BCL2L14: variants seen among roughly 807,000 people sequenced by gnomAD.
The protein encoded by BCL2L14 is apoptosis facilitator Bcl-2-like protein 14.
Under a neutral mutation model 35.3 loss-of-function variants are expected in BCL2L14, and 27 were observed. That is an observed-to-expected ratio of 0.76 (90% confidence interval 0.56 to 1.05). BCL2L14 has a LOEUF of 1.05. BCL2L14 is among the 50% of genes least tolerant of loss of function. The pLI, the probability that BCL2L14 is intolerant of heterozygous loss-of-function variation, is 0.00. For synonymous variants in BCL2L14, 139 were observed against 145.9 expected (o/e 0.95, Z 0.34); for missense variants, 377 against 382.6 (o/e 0.99, Z 0.12).
At chr12:12,062,640 C>G (rs1223023934) in intron 2 of BCL2L14, among the ~76,000 whole-genome samples, 1 of 152,094 alleles carries the variant, frequency 6.6e-6, no homozygotes, top group Non-Finnish European at 1.5e-5. Flanking sequence ...AGTCAGATAA[C>G]TAAAATACCT....
intron 2 of BCL2L14, among the ~76,000 whole-genome samples, chr12:12,065,215 A>T (rs111990939): frequency 7.2e-5 from 11 of 152,180 alleles, no homozygotes; most frequent in African/African-American, 2.7e-4. Context: ...AGCACCTTTT[A>T]AAAAAATATA....
intron 4 of BCL2L14, among the ~76,000 whole-genome samples, chr12:12,091,271 T>G (rs1949183232): frequency 6.6e-6 from 1 of 152,252 alleles, no homozygotes; most frequent in African/African-American, 2.4e-5. Flanking sequence ...CTTTTTCCCC[T>G]GTAGTTGCTG....
chr12:12,083,286 A>C (rs1354934083), intron 2 of BCL2L14, among the ~76,000 whole-genome samples: 1 of 152,010 alleles, frequency 6.6e-6, no homozygotes, highest in Non-Finnish European at 1.5e-5. Flanking sequence ...TTTTAACTGT[A>C]AGTCACTATG....
chr12:12,096,252 A>C, intron 5 of BCL2L14: 2 of 811,942 alleles, frequency 2.5e-6, no homozygotes, highest in East Asian at 1.3e-4. Context: ...AGAAATTATA[A>C]TTATCAATTG....
intron 1 of BCL2L14, among the ~76,000 whole-genome samples, chr12:12,076,772 T>C (rs1017984079): frequency 6.6e-6 from 1 of 152,132 alleles, no homozygotes; most frequent in African/African-American, 2.4e-5. Context: ...AATGTGAGCC[T>C]CTTCTAAGTA....
At chr12:12,091,771 T>G (rs142416214) in intron 4 of BCL2L14, among the ~76,000 whole-genome samples, 48 of 152,272 alleles carry the variant, frequency 3.2e-4, no homozygotes, top group Non-Finnish European at 6.6e-4. Context: ...GTGTGAGCTT[T>G]GGGACCACAA....
At chr12:12,089,075 C>CTTTT (rs1814562267) in intron 3 of BCL2L14, among the ~76,000 whole-genome samples, 1 of 152,188 alleles carries the variant, frequency 6.6e-6, no homozygotes, top group South Asian at 2.1e-4. Context: ...CAGTGTAGAA[C>CTTTT]TTTTATTTTG....
rs773038744 is a variant in BCL2L14 at position 12,075,430 on chromosome 12, TTTC to T, written c.-7-3866_-7-3864del. Among the ~76,000 whole-genome samples the T allele has an allele frequency of 5.2e-3, 630 of 122,304 alleles. 1 individual carries two copies. Among genetic ancestry groups the T allele is most frequent in the African/African-American group, 0.016 (580 of 35,482 alleles). The allele number at this position is 122,304 out of a possible 152,430, so 80.2% of individuals were successfully genotyped here. ...TTTCTATTCTTTCTTTCTTTCTTTC[TTTC>T]TTTTTTTTTTGAGACGGAGTTTCGC... is the stretch of plus-strand genomic sequence containing the variant. On this transcript the variant is annotated intron_variant, in intron 1 of 5. Coordinates refer to ENST00000308721, the MANE Select transcript of BCL2L14 (RefSeq NM_138723.2).
chr12:12,073,172 G>C (rs1262153465), intron 1 of BCL2L14, among the ~76,000 whole-genome samples: 2 of 152,200 alleles, frequency 1.3e-5, no homozygotes, highest in African/African-American at 2.4e-5. Context: ...ACTGGGTCCG[G>C]CATCTACATT....
At chr12:12,056,747 C>T (rs543881156) in intron 2 of BCL2L14, among the ~76,000 whole-genome samples, 5 of 152,254 alleles carry the variant, frequency 3.3e-5, no homozygotes, top group African/African-American at 1.2e-4. Context: ...GCAGGAAAAT[C>T]GCTTAAACCT....
chr12:12,065,361 C>T (rs1591809320), intron 2 of BCL2L14, among the ~76,000 whole-genome samples: 1 of 151,952 alleles, frequency 6.6e-6, no homozygotes, highest in African/African-American at 2.4e-5. Flanking sequence ...CATGGAGAAA[C>T]CCTGTCTCTA....
intron 5 of BCL2L14, among the ~76,000 whole-genome samples, chr12:12,098,742 G>C (rs1447248419): frequency 1.3e-5 from 2 of 152,070 alleles, no homozygotes; most frequent in Non-Finnish European, 2.9e-5. Context: ...CAGCCTGTTA[G>C]CTCTGGGTGT....
rs552595779 is a variant in BCL2L14, at chr12:12,087,844, C to T, written c.607+458C>T. On this transcript the variant is annotated intron_variant, in intron 3 of 5. Coordinates refer to ENST00000308721, the MANE Select transcript of BCL2L14 (RefSeq NM_138723.2). ...CTATGGTGCAAGACATGGAGCAGAA[C>T]TGAGAAGTAGTGACAAGGCTGGGTC... Among the ~76,000 whole-genome samples the T allele has an allele frequency of 6.6e-5, 10 of 152,258 alleles. No individual in the cohort carries two copies. In the East Asian group the frequency reaches 1.7e-3, roughly 26 times the overall value.
At chr12:12,051,407 C>G (rs1948356113) in intron 1 of BCL2L14, among the ~76,000 whole-genome samples, 1 of 152,292 alleles carries the variant, frequency 6.6e-6, no homozygotes, top group Middle Eastern at 3.4e-3. Context: ...AACAGGGAAT[C>G]CCGAGGGTTC....
At chr12:12,059,332 C>T (rs542384885) in intron 2 of BCL2L14, among the ~76,000 whole-genome samples, 212 of 151,984 alleles carry the variant, frequency 1.4e-3, no homozygotes, top group African/African-American at 4.0e-3. Context: ...ACCCCCAACC[C>T]CTTATCCTTC....
chr12:12,096,879 C>G (rs1406774981), intron 5 of BCL2L14, among the ~76,000 whole-genome samples: 1 of 152,188 alleles, frequency 6.6e-6, no homozygotes, highest in Non-Finnish European at 1.5e-5. Flanking sequence ...CGCAGTGGCT[C>G]ACGCCTGTAA....
intron 1 of BCL2L14, among the ~76,000 whole-genome samples, chr12:12,050,620 G>A (rs748821878): frequency 1.1e-4 from 17 of 151,124 alleles, no homozygotes; most frequent in Admixed American, 3.9e-4. Context: ...GGAACAGTGC[G>A]ACCCGTAATT....
intron 1 of BCL2L14, chr12:12,077,967 G>A: frequency 2.2e-6 from 1 of 445,606 alleles, no homozygotes; most frequent in Non-Finnish European, 4.5e-6. Flanking sequence ...ACCAGAGAAG[G>A]AGTTATTTCA....
chr12:12,076,052 A>G (rs1591818376), intron 1 of BCL2L14, among the ~76,000 whole-genome samples: 1 of 149,826 alleles, frequency 6.7e-6, no homozygotes, highest in East Asian at 2.0e-4. Context: ...GGGTCACCAG[A>G]TGTCCAGTAC....
Sources: allele counts gnomAD v4.1 joint callset (sites outside exome capture counted in the v4.1 genomes callset), GRCh38; gene constraint gnomAD v4.1.1; transcripts MANE v1.5; gene names NCBI Gene and HGNC (gene_info 2026-07-23, HGNC 2026-07-21).